Variants in RECK observed in about 807,000 individuals in gnomAD.
RECK encodes reversion-inducing cysteine-rich protein with Kazal motifs.
A neutral mutation model predicts 115.1 loss-of-function variants in RECK; 69 were observed. The observed-to-expected ratio is 0.60, with a 90% CI of 0.49 to 0.73. The LOEUF is 0.73. Ranked by LOEUF, RECK falls within the 30% of genes least tolerant of loss-of-function variation. The pLI is 0.00. For synonymous variants in RECK, 414 were observed against 419.7 expected (o/e 0.99, Z 0.17); for missense variants, 1,047 against 1,203.7 (o/e 0.87, Z 1.93).
chr9:36,098,661 C>G (rs906686237), intron 10 of RECK, among the ~76,000 whole-genome samples: 1 of 151,902 alleles, frequency 6.6e-6, no homozygotes, highest in Non-Finnish European at 1.5e-5. Context: ...TGTCTAGTAC[C>G]CTTATTCGTA....
intron 6 of RECK, among the ~76,000 whole-genome samples, chr9:36,079,087 G>A (rs1366871266): frequency 6.6e-6 from 1 of 151,988 alleles, no homozygotes; most frequent in Non-Finnish European, 1.5e-5. Context: ...TAGAGACAGG[G>A]TTTCTCCATG....
At chr9:36,038,455 G>T (rs1820753549) in intron 1 of RECK, among the ~76,000 whole-genome samples, 1 of 152,170 alleles carries the variant, frequency 6.6e-6, no homozygotes, top group South Asian at 2.1e-4. Flanking sequence ...AATTAAAAGA[G>T]ATTGAACTGA....
At chr9:36,121,315 G>A (rs1218279870) in intron 19 of RECK, among the ~76,000 whole-genome samples, 1 of 152,164 alleles carries the variant, frequency 6.6e-6, no homozygotes, top group Non-Finnish European at 1.5e-5. Context: ...TGGTTCTGGT[G>A]AAAGTATGTA....
intron 17 of RECK, among the ~76,000 whole-genome samples, chr9:36,117,895 G>A (rs553533672): frequency 2.6e-5 from 4 of 152,206 alleles, no homozygotes; most frequent in Admixed American, 1.3e-4. Flanking sequence ...CAGGAGAATC[G>A]CTTGAACCCG....
intron 1 of RECK, among the ~76,000 whole-genome samples, chr9:36,048,463 A>G (rs1382663878): frequency 6.6e-6 from 1 of 152,132 alleles, no homozygotes; most frequent in Non-Finnish European, 1.5e-5. Context: ...TGAGAAACAT[A>G]TTTATAGTTG....
intron 4 of RECK, among the ~76,000 whole-genome samples, chr9:36,062,024 T>C (rs959162665): frequency 1.3e-5 from 2 of 152,120 alleles, no homozygotes; most frequent in Non-Finnish European, 2.9e-5. Flanking sequence ...TCCAACTTAC[T>C]TCAGATATAG....
chr9:36,089,066 C>T (rs1336847958), intron 9 of RECK, among the ~76,000 whole-genome samples: 3 of 152,044 alleles, frequency 2.0e-5, no homozygotes, highest in African/African-American at 7.2e-5. Flanking sequence ...AAGAGCGAGA[C>T]TCTGTCTCCA....
At chr9:36,047,589 C>T (rs945085167) in intron 1 of RECK, among the ~76,000 whole-genome samples, 8 of 151,912 alleles carry the variant, frequency 5.3e-5, no homozygotes, top group Non-Finnish European at 1.2e-4. Flanking sequence ...TGGGTGACAG[C>T]GCAAGACTCT....
chr9:36,104,313 T>TGC (rs1564130827), intron 12 of RECK, among the ~76,000 whole-genome samples: 7 of 68,210 alleles, frequency 1.0e-4, no homozygotes, highest in East Asian at 4.5e-4. Context: ...TATATATATA[T>TGC]ATATATATAT....
At position 36,122,919 on chromosome 9, in the gene RECK, C is replaced by G. The variant is rs1824515500; in HGVS notation, c.2790C>G (p.Ile930Met). 1 of 1,614,130 alleles carries G rather than the reference C, an allele frequency of 6.2e-7. No individual in the cohort carries two copies. Among genetic ancestry groups the G allele is most frequent in the South Asian group, 1.1e-5 (1 of 91,088 alleles). The change falls in exon 21 of 21, where the codon ATC becomes ATG. Residue 930 changes from isoleucine to methionine, a missense_variant. Coordinates refer to ENST00000377966, the MANE Select transcript of RECK (RefSeq NM_021111.3). ...LASHVPLSAL[I>M]ISQVQVSSSV... ...CCCATGTCCCTCTCTCTGCCCTCAT[C>G]ATTTCCCAGGTACAGGTCTCCAGCA...
At chr9:36,105,674 T>C (rs1336591223) in intron 13 of RECK, among the ~76,000 whole-genome samples, 2 of 152,226 alleles carry the variant, frequency 1.3e-5, no homozygotes, top group Non-Finnish European at 2.9e-5. Context: ...ACATTGTTCA[T>C]GTTTTTTCTT....
chr9:36,056,415 A>G (rs935534627), intron 2 of RECK, among the ~76,000 whole-genome samples: 1 of 152,174 alleles, frequency 6.6e-6, no homozygotes, highest in South Asian at 2.1e-4. Flanking sequence ...TTTGATCTGT[A>G]GGTTTCTCCT....
intron 9 of RECK, among the ~76,000 whole-genome samples, 155 bp from the exon 10 acceptor site, chr9:36,091,009 C>T (rs1823136931): frequency 6.6e-6 from 1 of 152,176 alleles, no homozygotes; most frequent in Non-Finnish European, 1.5e-5. Context: ...TCAACTTTTT[C>T]TGGCTCTAGT....
At chr9:36,088,003 G>A (rs1206012786) in intron 9 of RECK, 42 bp downstream of exon 9, 3 of 1,475,136 alleles carry the variant, frequency 2.0e-6, no homozygotes, top group Non-Finnish European at 9.4e-7. Context: ...GTAGAAAATG[G>A]CATTTTAATT....
intron 2 of RECK, among the ~76,000 whole-genome samples, chr9:36,054,857 CTAAT>C (rs1246141502): frequency 6.6e-6 from 1 of 152,004 alleles, no homozygotes; most frequent in Non-Finnish European, 1.5e-5. Context: ...CTCATGCAAA[CTAAT>C]TAGTTAATAT....
intron 2 of RECK, among the ~76,000 whole-genome samples, chr9:36,055,337 A>G (rs1017093188): frequency 3.9e-5 from 6 of 152,156 alleles, no homozygotes; most frequent in African/African-American, 1.4e-4. Context: ...AATTCATTCT[A>G]CTTTATGGGA....
rs912845372 is a variant in RECK, at chr9:36,039,615, G to A, written c.100+2517G>A. ...GACCCTATCCTGCAGTATCAGCATC[G>A]TGTGTCATGGCACCTGATAATGGCT... On this transcript the variant is annotated intron_variant, in intron 1 of 20. Transcript: ENST00000377966. 3.3e-5 allele frequency among the ~76,000 whole-genome samples: 5 copies of A among 152,148 alleles called. No homozygotes were observed. In the South Asian group the frequency reaches 8.3e-4, roughly 25 times the overall value.
chr9:36,096,114 G>A (rs1823328451), intron 10 of RECK, among the ~76,000 whole-genome samples: 2 of 150,700 alleles, frequency 1.3e-5, no homozygotes, highest in East Asian at 2.0e-4. Flanking sequence ...GTGTGCATCT[G>A]TAGTCCCGGC....
intron 14 of RECK, among the ~76,000 whole-genome samples, chr9:36,109,326 C>T (rs542833611): frequency 2.6e-5 from 4 of 152,290 alleles, no homozygotes; most frequent in African/African-American, 9.6e-5. Flanking sequence ...CTGGGCATTC[C>T]TGCCAGGGCA....
Sources: allele counts gnomAD v4.1 joint callset (sites outside exome capture counted in the v4.1 genomes callset), GRCh38; gene constraint gnomAD v4.1.1; transcripts MANE v1.5; gene names NCBI Gene and HGNC (gene_info 2026-07-23, HGNC 2026-07-21).